FAM169A: variants seen among roughly 807,000 people sequenced by gnomAD.
FAM169A encodes soluble lamin-associated protein of 75 kDa.
In FAM169A, 24 loss-of-function variants were observed where a neutral mutation model predicts 75.7. That is an observed-to-expected ratio of 0.32 (90% CI 0.23 to 0.45). The LOEUF (loss-of-function observed/expected upper bound fraction) is 0.45, where lower values mean the gene tolerates loss of function less well. Ranked by LOEUF, FAM169A falls within the 20% of genes least tolerant of loss-of-function variation. The pLI is 1.00. For synonymous variants in FAM169A, 271 were observed against 271.0 expected (o/e 1.00, Z 0.00); for missense variants, 673 against 784.0 (o/e 0.86, Z 1.69).
intron 5 of FAM169A, among the ~76,000 whole-genome samples, chr5:74,828,636 A>G (rs2112630147): frequency 6.6e-6 from 1 of 152,272 alleles, no homozygotes; most frequent in South Asian, 2.1e-4. Context: ...TGTTATAATG[A>G]CTGAACTTTT....
intron 1 of FAM169A, among the ~76,000 whole-genome samples, chr5:74,861,003 G>T (rs760325102): frequency 7.2e-5 from 11 of 152,006 alleles, no homozygotes; most frequent in African/African-American, 2.7e-4. Flanking sequence ...CAGGCATAGC[G>T]GCGTGCATCT....
chr5:74,850,239 T>C (rs1749370877), intron 1 of FAM169A, among the ~76,000 whole-genome samples: 1 of 152,200 alleles, frequency 6.6e-6, no homozygotes, highest in Admixed American at 6.5e-5. Flanking sequence ...GCAGCAGAGC[T>C]AGTATTTGAA....
rs750730502 is a variant in FAM169A at position 74,801,624 on chromosome 5, A to G, written c.918T>C (p.Asp306=). The G allele has an allele frequency of 3.1e-6, 5 of 1,609,258 alleles. No individual in the cohort carries two copies. The highest frequency in any genetic ancestry group is 3.4e-5 in the Admixed American group (2 of 59,176). Residue 306 remains aspartate (D), a synonymous_variant, in exon 9 of 13, where the codon GAT becomes GAC. Coordinates refer to ENST00000687041, the MANE Select transcript of FAM169A (RefSeq NM_001376049.1). ...NQSSEMQLTI[D]SLKDAFASTS... The stretch of plus-strand genomic sequence containing the variant: ...TGCTTGCAAAGGCATCTTTTAGAGA[A>G]TCAATCTAAAAAAGAGAGAGATTCA...
intron 2 of FAM169A, 24 bp downstream of exon 2, chr5:74,841,521 G>A: frequency 6.5e-7 from 1 of 1,541,178 alleles, no homozygotes; most frequent in South Asian, 1.3e-5. Context: ...AAAGATTGAT[G>A]ACAATCACTG....
chr5:74,784,918 CAA>C (rs869156232), intron 11 of FAM169A, among the ~76,000 whole-genome samples: 2,824 of 61,732 alleles, frequency 0.046, 68 homozygotes, highest in African/African-American at 0.13. Context: ...GACTCCGTCT[CAA>C]AAAAAAAAAA....
chr5:74,786,801 A>C (rs982459429), intron 11 of FAM169A, among the ~76,000 whole-genome samples: 5 of 152,220 alleles, frequency 3.3e-5, no homozygotes, highest in African/African-American at 2.4e-5. Flanking sequence ...CTGCAACGAA[A>C]GGTGCATGCA....
chr5:74,818,051 T>G (rs1477065979), intron 5 of FAM169A, among the ~76,000 whole-genome samples: 5 of 152,180 alleles, frequency 3.3e-5, no homozygotes, highest in Non-Finnish European at 7.4e-5. Flanking sequence ...ACTACTCAAA[T>G]TCTTAAAAGA....
intron 1 of FAM169A, chr5:74,865,451 G>A (rs1209362610): frequency 6.6e-6 from 1 of 152,166 alleles, no homozygotes; most frequent in East Asian, 1.9e-4. Context: ...AAGCCAGTGA[G>A]ATGCTTCATC....
chr5:74,839,542 GA>G (rs1748749352), intron 3 of FAM169A, among the ~76,000 whole-genome samples: 1 of 72,562 alleles, frequency 1.4e-5, no homozygotes, highest in African/African-American at 5.8e-5. Flanking sequence ...TTTTTTTTTT[GA>G]GATGGAGTTT....
intron 11 of FAM169A, among the ~76,000 whole-genome samples, chr5:74,790,278 G>A (rs1463661174): frequency 1.3e-5 from 2 of 152,194 alleles, no homozygotes; most frequent in Non-Finnish European, 2.9e-5. Context: ...GACAGCTACA[G>A]CCCTATAGCC....
chr5:74,778,759 T>C lies in FAM169A; in HGVS notation c.*2701A>G, dbSNP rs1745252855. ...CTGCTTTATATTACACAAGGAAATA[T>C]ACACGTATGTACATAAAAAGTGAAC... On this transcript the variant is annotated 3_prime_UTR_variant, in exon 13 of 13. Coordinates refer to ENST00000687041, the MANE Select transcript of FAM169A (RefSeq NM_001376049.1). 1 of 152,038 alleles carries C rather than the reference T, an allele frequency of 6.6e-6. No individual in the cohort carries two copies. Among genetic ancestry groups the C allele is most frequent in the Admixed American group, 6.5e-5 (1 of 15,272 alleles). The allele number at this position is 152,038 out of a possible 1,614,324, so 9.4% of individuals were successfully genotyped here.
intron 1 of FAM169A, among the ~76,000 whole-genome samples, chr5:74,853,930 T>C (rs1366343360): frequency 6.6e-6 from 1 of 151,788 alleles, no homozygotes; most frequent in Non-Finnish European, 1.5e-5. Flanking sequence ...CCAAGTGTTT[T>C]AAAGCTGAAG....
At chr5:74,824,571 C>G (rs1747920220) in intron 5 of FAM169A, among the ~76,000 whole-genome samples, 1 of 151,828 alleles carries the variant, frequency 6.6e-6, no homozygotes, top group Non-Finnish European at 1.5e-5. Context: ...ACACTTTGGA[C>G]ATGGCCTCAT....
At chr5:74,812,896 CT>C (rs1327009496) in intron 6 of FAM169A, among the ~76,000 whole-genome samples, 2 of 152,110 alleles carry the variant, frequency 1.3e-5, no homozygotes, top group African/African-American at 4.8e-5. Context: ...AATTGTAACC[CT>C]CATATAATAT....
At chr5:74,829,444 C>A (rs140132636) in intron 5 of FAM169A, among the ~76,000 whole-genome samples, 120 of 152,312 alleles carry the variant, frequency 7.9e-4, no homozygotes, top group African/African-American at 2.7e-3. Context: ...CAGATCTAAT[C>A]TCTATTTGTT....
intron 11 of FAM169A, among the ~76,000 whole-genome samples, chr5:74,791,062 C>A (rs574733487): frequency 2.0e-5 from 3 of 152,156 alleles, no homozygotes; most frequent in African/African-American, 7.2e-5. Flanking sequence ...ACTCACTTTA[C>A]GGCAAAAGCA....
chr5:74,848,172 G>A (rs912348215), intron 1 of FAM169A, among the ~76,000 whole-genome samples: 6 of 151,888 alleles, frequency 4.0e-5, no homozygotes, highest in African/African-American at 1.2e-4. Flanking sequence ...AATTTTATTC[G>A]AATTTAAAGG....
At chr5:74,865,300 G>A (rs1750260102) in intron 1 of FAM169A, 2 of 152,002 alleles carry the variant, frequency 1.3e-5, no homozygotes, top group South Asian at 2.1e-4. Flanking sequence ...ATGTCCCTCC[G>A]GTCCCAATCC....
chr5:74,851,442 C>T (rs1446477975), intron 1 of FAM169A, among the ~76,000 whole-genome samples: 3 of 152,136 alleles, frequency 2.0e-5, no homozygotes, highest in African/African-American at 7.2e-5. Context: ...ACAGTTGGAA[C>T]ACAAAATACA....
Sources: allele counts gnomAD v4.1 joint callset (sites outside exome capture counted in the v4.1 genomes callset), GRCh38; gene constraint gnomAD v4.1.1; transcripts MANE v1.5; gene names NCBI Gene and HGNC (gene_info 2026-07-23, HGNC 2026-07-21).